Variants in SRCIN1 observed in about 807,000 individuals in gnomAD.
The protein encoded by SRCIN1 is SRC kinase signaling inhibitor 1.
Under a neutral mutation model 116.2 loss-of-function variants are expected in SRCIN1, and 50 were observed. The observed-to-expected ratio is 0.43, with a 90% CI of 0.34 to 0.54. The LOEUF is 0.54. SRCIN1 is among the 20% of genes least tolerant of loss of function. The pLI, the probability that SRCIN1 is intolerant of heterozygous loss-of-function variation, is 0.02. For missense variants in SRCIN1, 1,446 were observed against 1,672.0 expected, an observed-to-expected ratio of 0.86 and a Z score of 2.36; for synonymous variants, 736 against 750.0, an observed-to-expected ratio of 0.98 and a Z score of 0.30.
In SRCIN1 at chr17:38,555,750, CCATA is replaced by C. The variant is rs1905744460; in HGVS notation, c.2201+2473_2201+2476del. On this transcript the variant is annotated intron_variant, in intron 11 of 18. Transcript: ENST00000617146. Reference sequence around the variant, plus strand: ...CAACATCAGCCACGCTGCCCCCAATCCATACACTGTCCTAGCCCAGCCCTCGCTC... The same window carrying C: ...CAACATCAGCCACGCTGCCCCCAATCCACTGTCCTAGCCCAGCCCTCGCTC... 2.6e-5 allele frequency among the ~76,000 whole-genome samples: 4 copies of C among 152,340 alleles called. No homozygotes were observed. The South Asian group carries it at 8.3e-4, about 32-fold the overall frequency.
intron 17 of SRCIN1, chr17:38,547,831 C>A: frequency 5.6e-6 from 1 of 177,162 alleles, no homozygotes; most frequent in South Asian, 5.9e-5. Flanking sequence ...TGGGGATCAG[C>A]TGGCGGCGGG....
chr17:38,561,798 C>T lies in SRCIN1; in HGVS notation c.1365G>A (p.Ala455=). 6.7e-7 allele frequency: 1 copy of T among 1,483,152 alleles called. No homozygotes were observed. Among genetic ancestry groups the T allele is most frequent in the East Asian group, 2.7e-5 (1 of 37,656 alleles). 91.9% of individuals were successfully genotyped at this position (1,483,152 alleles called of 1,614,324 possible). Residue 455 remains alanine (A), a synonymous_variant, in exon 7 of 19, where the codon GCG becomes GCA. Transcript: ENST00000617146. The stretch of plus-strand genomic sequence containing the variant: ...CGCCGTACAGCGGGCCGCCGCCGCC[C>T]GCCGCCTTGTACAGGGAGTCCTCCA... The part of the protein sequence containing the change: ...SDLEDSLYKA[A]GGGGPLYGDG...
intron 1 of SRCIN1, among the ~76,000 whole-genome samples, chr17:38,589,073 C>T (rs763152481): frequency 6.6e-6 from 1 of 152,218 alleles, no homozygotes; most frequent in Non-Finnish European, 1.5e-5. Context: ...CCTCGGCATG[C>T]GCCTGGCTGC....
intron 1 of SRCIN1, 58 bp from the exon 2 acceptor site, chr17:38,578,849 A>T: frequency 6.9e-7 from 1 of 1,441,588 alleles, no homozygotes; most frequent in Admixed American, 2.5e-5. Flanking sequence ...GGGGCTGCCC[A>T]TCCCCCAAGG....
chr17:38,589,893 C>T (rs564468872), intron 1 of SRCIN1, among the ~76,000 whole-genome samples: 3 of 152,264 alleles, frequency 2.0e-5, no homozygotes, highest in South Asian at 2.1e-4. Context: ...GAGGATGGGG[C>T]GAGGGCAGCC....
chr17:38,561,134 TA>T (rs779638875), intron 7 of SRCIN1, among the ~76,000 whole-genome samples: 5 of 152,136 alleles, frequency 3.3e-5, no homozygotes, highest in Non-Finnish European at 7.4e-5. Flanking sequence ...GGAAAGCCAC[TA>T]AAAGTGGTTC....
rs903645436 is a variant in SRCIN1, at chr17:38,568,623, C to T, written c.325-392G>A. Reference sequence around the variant, plus strand: ...GGCATTTGAGTTGGGTCTGGAAAAACGAGCAGCTGGAGACTGGAAGGAGAG... The same window carrying T: ...GGCATTTGAGTTGGGTCTGGAAAAATGAGCAGCTGGAGACTGGAAGGAGAG... On this transcript the variant is annotated intron_variant, in intron 2 of 18. Transcript: ENST00000617146. This position sits in a 1 kb window ranked among gnomAD's most constrained non-coding sequence, Gnocchi z 4.5. 2.6e-5 allele frequency among the ~76,000 whole-genome samples: 4 copies of T among 152,044 alleles called. No homozygotes were observed. Among genetic ancestry groups the T allele is most frequent in the East Asian group, 1.9e-4 (1 of 5,180 alleles).
At chr17:38,533,472 G>A (rs1011455158) in intron 18 of SRCIN1, 41 bp from the exon 19 acceptor site, 2 of 1,585,868 alleles carry the variant, frequency 1.3e-6, no homozygotes, top group Admixed American at 1.8e-5. Context: ...GAGCGGAAGG[G>A]AGCGCCTCCA....
chr17:38,561,715 G>A lies in SRCIN1; in HGVS notation c.1448C>T (p.Ala483Val). 6.5e-7 allele frequency: 1 copy of A among 1,532,810 alleles called. No individual in the cohort carries two copies. The allele number at this position is 1,532,810 out of a possible 1,614,324, so 95.0% of individuals were successfully genotyped here. A position where few individuals can be genotyped will look rare whatever the true frequency, so the allele number is the denominator to read the frequency against. Residue 483 changes from alanine (A) to valine (V), a missense_variant, in exon 7 of 19, where the codon GCA becomes GTA. This residue lies in a region of SRCIN1 where 398 missense variants were observed against 385.6 expected (regional missense o/e 1.03). Coordinates refer to ENST00000617146, the MANE Select transcript of SRCIN1 (RefSeq NM_025248.3). ...CGGTGGCGGGGGACCTCCGGGGGGT[G>A]CTGCCACGTCGGCCAGCTTCTGCGG... ...SSPQKLADVA[A>V]PPGGPPPPHS...
In SRCIN1 at chr17:38,563,180, G is replaced by A; in HGVS notation, c.740+143C>T. ...GGGGGCTGAGATGGCCGAGGAAGGG[G>A]GCGGGGCGGTAGGGCTCTGGGAGGG... On this transcript the variant is annotated intron_variant, in intron 5 of 18. Coordinates refer to ENST00000617146, the MANE Select transcript of SRCIN1 (RefSeq NM_025248.3). This position sits in a 1 kb window ranked among gnomAD's most constrained non-coding sequence, Gnocchi z 5.8. 1.1e-6 allele frequency: 1 copy of A among 928,686 alleles called. No individual in the cohort carries two copies. The highest frequency in any genetic ancestry group is 1.6e-5 in the South Asian group (1 of 61,782). 57.5% of individuals were successfully genotyped at this position (928,686 alleles called of 1,614,324 possible).
intron 1 of SRCIN1, among the ~76,000 whole-genome samples, chr17:38,599,058 AT>A (rs954855166): frequency 1.2e-4 from 18 of 147,366 alleles, no homozygotes; most frequent in East Asian, 4.0e-4. Context: ...CCAAATCCCC[AT>A]TTTTTTTTTC....
intron 1 of SRCIN1, among the ~76,000 whole-genome samples, chr17:38,581,123 C>T (rs537881129): frequency 1.3e-5 from 2 of 152,178 alleles, no homozygotes; most frequent in African/African-American, 2.4e-5. Context: ...GTGTGAGCCG[C>T]GGACCAGGCA....
intron 2 of SRCIN1, among the ~76,000 whole-genome samples, chr17:38,571,766 G>A (rs557650686): frequency 6.6e-6 from 1 of 152,308 alleles, no homozygotes; most frequent in South Asian, 2.1e-4. Flanking sequence ...TAGGGACCAC[G>A]CTGTGAGAAA....
At chr17:38,605,045 A>C (rs1234504971) in intron 1 of SRCIN1, among the ~76,000 whole-genome samples, 5 of 150,680 alleles carry the variant, frequency 3.3e-5, no homozygotes, top group African/African-American at 1.2e-4. Context: ...AGAGGTCTCC[A>C]GGGCTAGGGC....
intron 18 of SRCIN1, among the ~76,000 whole-genome samples, chr17:38,537,802 A>AG (rs1334159057): frequency 2.7e-5 from 4 of 147,958 alleles, no homozygotes; most frequent in Admixed American, 6.7e-5. Flanking sequence ...AAAAAAAAAA[A>AG]GAAAGAAAAA....
chr17:38,571,388 C>G (rs1394314193), intron 2 of SRCIN1, among the ~76,000 whole-genome samples: 1 of 152,176 alleles, frequency 6.6e-6, no homozygotes, highest in African/African-American at 2.4e-5. Flanking sequence ...AGGGTGGGAT[C>G]TCTGAATACT....
At chr17:38,599,949 T>C (rs1908932084) in intron 1 of SRCIN1, among the ~76,000 whole-genome samples, 1 of 152,246 alleles carries the variant, frequency 6.6e-6, no homozygotes, top group Non-Finnish European at 1.5e-5. Context: ...GGTTCAGAGA[T>C]GTCTGTCCCC....
At position 38,562,031 on chromosome 17, in the gene SRCIN1, C is replaced by G. The variant is rs1906294136; in HGVS notation, c.1132G>C (p.Glu378Gln). 50 of 1,491,636 alleles carry G rather than the reference C, an allele frequency of 3.4e-5. No individual in the cohort carries two copies. Among genetic ancestry groups the G allele is most frequent in the Non-Finnish European group, 4.3e-5 (48 of 1,128,844 alleles). The allele number at this position is 1,491,636 out of a possible 1,614,324, so 92.4% of individuals were successfully genotyped here. A position where few individuals can be genotyped will look rare whatever the true frequency, so the allele number is the denominator to read the frequency against. The part of the protein sequence containing the change: ...ILERRDVKPD[E>Q]DLASKAGGMV... Reference sequence around the variant, plus strand: ...CCGCCCGCCTTGCTCGCCAGGTCCTCGTCCGGCTTCACGTCGCGCCGCTCC... The same window carrying G: ...CCGCCCGCCTTGCTCGCCAGGTCCTGGTCCGGCTTCACGTCGCGCCGCTCC... Residue 378 changes from glutamate (E) to glutamine (Q), a missense_variant, in exon 7 of 19, where the codon GAG becomes CAG. Glu to Gln is a conservative substitution (Grantham distance 29). This residue lies in a region of SRCIN1 where 239 missense variants were observed against 317.7 expected (regional missense o/e 0.75). Transcript: ENST00000617146. The surrounding 1 kb of genome is among the most constrained non-coding windows in gnomAD (Gnocchi z 4.2).
At chr17:38,584,679 G>T (rs1011215327) in intron 1 of SRCIN1, among the ~76,000 whole-genome samples, 2 of 152,198 alleles carry the variant, frequency 1.3e-5, no homozygotes, top group African/African-American at 4.8e-5. Context: ...CACTGTAACT[G>T]ATTATGAGAA....
Sources: gnomAD v4.1 joint callset for allele counts (sites outside exome capture counted in the v4.1 genomes callset) on GRCh38, gnomAD v4.1.1 for gene constraint, gnomAD v4.1.1 regional missense constraint, Gnocchi (gnomAD v3.1) non-coding constraint, MANE v1.5 for transcripts, NCBI Gene and HGNC (gene_info 2026-07-23, HGNC 2026-07-21) for gene names.